Variants in TBL1X observed in about 807,000 individuals in gnomAD.
The protein encoded by TBL1X is F-box-like/WD repeat-containing protein TBL1X.
A neutral mutation model predicts 50.7 loss-of-function variants in TBL1X; 10 were observed. That is an observed-to-expected ratio of 0.20 (90% CI 0.12 to 0.33). TBL1X has a LOEUF of 0.33. TBL1X is among the 10% of genes least tolerant of loss of function. The pLI is 1.00. For missense variants in TBL1X, 340 were observed against 504.4 expected (o/e 0.67, Z 3.12); for synonymous variants, 190 against 214.7 (o/e 0.88, Z 1.01).
At chrX:9,637,386 T>C (rs2082753108) in intron 2 of TBL1X, 2 of 112,290 alleles carry the variant, frequency 1.8e-5, no homozygotes, top group South Asian at 7.5e-4. Context: ...AAGAAATGAA[T>C]GTGTAGAGGA....
intron 1 of TBL1X, among the ~76,000 whole-genome samples, chrX:9,497,886 TCCCC>T (rs2081980776): frequency 1.4e-5 from 1 of 69,077 alleles, no homozygotes; most frequent in East Asian, 5.0e-4. Context: ...CCTCCCTCCC[TCCCC>T]TCCTTCCTCC....
intron 5 of TBL1X, among the ~76,000 whole-genome samples, chrX:9,665,130 T>C (rs1370805748): frequency 9.1e-6 from 1 of 110,022 alleles, no homozygotes; most frequent in Non-Finnish European, 1.9e-5. Flanking sequence ...CCTGCAGAAC[T>C]CAAATAGACG....
intron 2 of TBL1X, among the ~76,000 whole-genome samples, chrX:9,638,583 C>A (rs1411435693): frequency 8.9e-6 from 1 of 112,133 alleles, no homozygotes; most frequent in Non-Finnish European, 1.9e-5. Context: ...AAGAGATAAT[C>A]TCAAATTTCA....
At chrX:9,469,454 C>T (rs771340960) in intron 1 of TBL1X, among the ~76,000 whole-genome samples, 5 of 112,347 alleles carry the variant, frequency 4.5e-5, no homozygotes, top group African/African-American at 6.5e-5. Context: ...TGAGCCATCG[C>T]GCCCGGCTAG....
chrX:9,574,796 G>C (rs1182081241), intron 2 of TBL1X, among the ~76,000 whole-genome samples: 1 of 111,722 alleles, frequency 9.0e-6, no homozygotes, highest in Non-Finnish European at 1.9e-5. Flanking sequence ...GAGCATCCCT[G>C]CATTTGCACT....
intron 6 of TBL1X, among the ~76,000 whole-genome samples, chrX:9,687,121 G>T (rs2083064442): frequency 8.9e-6 from 1 of 112,372 alleles, no homozygotes; most frequent in Non-Finnish European, 1.9e-5. Flanking sequence ...AGGTTCACCT[G>T]ATTCGAATAT....
intron 15 of TBL1X, among the ~76,000 whole-genome samples, chrX:9,709,963 G>A (rs915413962): frequency 1.8e-5 from 2 of 112,525 alleles, no homozygotes; most frequent in East Asian, 2.8e-4. Flanking sequence ...AGTGGCTTAC[G>A]CCTATAATCT....
At chrX:9,688,425 C>T (rs2083075518) in intron 7 of TBL1X, 150 bp downstream of exon 7, 2 of 515,908 alleles carry the variant, frequency 3.9e-6, no homozygotes, top group Non-Finnish European at 5.9e-6. Context: ...GCCGGAAGAA[C>T]TTCCCGTTCC....
intron 1 of TBL1X, among the ~76,000 whole-genome samples, chrX:9,492,838 GGTGTGTGTGTGTGTGTGTGTGTGTGTGT>G (rs774050435): frequency 1.8e-5 from 1 of 56,969 alleles, no homozygotes; most frequent in Non-Finnish European, 3.5e-5. Flanking sequence ...GGGGCTAGAG[GGTGTGTGTGTGTGTGTGTGTGTGTGTGT>G]GTGTGTGTGT....
intron 1 of TBL1X, among the ~76,000 whole-genome samples, chrX:9,491,394 G>A (rs2081944356): frequency 1.1e-5 from 1 of 95,041 alleles, no homozygotes; most frequent in Non-Finnish European, 2.1e-5. Context: ...AGGCTGGAGT[G>A]TAGTGGCATG....
intron 2 of TBL1X, among the ~76,000 whole-genome samples, chrX:9,542,580 C>T (rs745795203): frequency 4.5e-5 from 5 of 111,708 alleles, no homozygotes; most frequent in Admixed American, 9.5e-5. Context: ...GGCCCCGCCT[C>T]GCACTTTGGA....
chrX:9,524,566 CT>C (rs1446904497), intron 2 of TBL1X, among the ~76,000 whole-genome samples: 2 of 111,788 alleles, frequency 1.8e-5, no homozygotes, highest in African/African-American at 6.5e-5. Context: ...AATGTCTTTC[CT>C]TTTTAAGGCT....
chrX:9,533,205 G>A (rs1246510076), intron 2 of TBL1X, among the ~76,000 whole-genome samples: 2 of 112,010 alleles, frequency 1.8e-5, no homozygotes, highest in Non-Finnish European at 3.8e-5. Context: ...GTTGAAAGCA[G>A]CATCAGGTGT....
At chrX:9,485,252 C>A (rs192302237) in intron 1 of TBL1X, among the ~76,000 whole-genome samples, 1 of 112,265 alleles carries the variant, frequency 8.9e-6, no homozygotes, top group African/African-American at 3.2e-5. Context: ...ACATAGACTT[C>A]GAGGGCTGCT....
chrX:9,585,855 T>TTCC (rs1290504150), intron 2 of TBL1X, among the ~76,000 whole-genome samples: 4 of 112,110 alleles, frequency 3.6e-5, no homozygotes, highest in Non-Finnish European at 7.5e-5. Context: ...CGCTAGGACT[T>TTCC]TAACATGTGA....
At chrX:9,597,833 A>T (rs1043941592) in intron 2 of TBL1X, among the ~76,000 whole-genome samples, 9 of 111,396 alleles carry the variant, frequency 8.1e-5, no homozygotes, top group Non-Finnish European at 1.5e-4. Flanking sequence ...GTTGTTAATG[A>T]GTGTCACCGA....
chrX:9,603,997 TTAAC>T (rs751747835), intron 2 of TBL1X, among the ~76,000 whole-genome samples: 4 of 111,757 alleles, frequency 3.6e-5, no homozygotes, highest in Admixed American at 1.9e-4. Context: ...TCATTTTACT[TTAAC>T]TAACTATCTG....
chrX:9,619,505 C>G (rs1015481635), intron 2 of TBL1X, among the ~76,000 whole-genome samples: 1 of 112,129 alleles, frequency 8.9e-6, no homozygotes, highest in African/African-American at 3.2e-5. Flanking sequence ...TACCTCCCCT[C>G]TCTACCTTCC....
intron 2 of TBL1X, among the ~76,000 whole-genome samples, chrX:9,512,941 G>A (rs963165340): frequency 9.0e-6 from 1 of 111,272 alleles, no homozygotes. Context: ...AAAAACCAGC[G>A]TGGTCTTCAC....
Sources: allele counts gnomAD v4.1 joint callset (sites outside exome capture counted in the v4.1 genomes callset), GRCh38; gene constraint gnomAD v4.1.1; transcripts MANE v1.5; gene names NCBI Gene and HGNC (gene_info 2026-07-23, HGNC 2026-07-21).